SMC1B: variants seen among roughly 807,000 people sequenced by gnomAD.
The protein encoded by SMC1B is structural maintenance of chromosomes protein 1B.
Under a neutral mutation model 157.9 loss-of-function variants are expected in SMC1B, and 60 were observed. The ratio of observed to expected loss-of-function variants is 0.38; its 90% CI spans 0.31 to 0.47. The LOEUF is 0.47. Among genes scored for constraint, SMC1B ranks in the 20% least tolerant of loss-of-function variants. SMC1B has a pLI of 0.99. For synonymous variants in SMC1B, 445 were observed against 483.0 expected (o/e 0.92, Z 1.03); for missense variants, 1,165 against 1,426.2 (o/e 0.82, Z 2.95).
rs773267781 is a variant in SMC1B at position 45,355,059 on chromosome 22, T to C, written c.3018A>G (p.Val1006=). ...TCAGTAAGATATCTTCCTGGGATGC[T>C]ACTTGCTGCAATAAGAGCCTAAGGT... ...EAHLRLLLQQ[V]ASQEDILLKT... Residue 1006 remains valine (V), a synonymous_variant, in exon 20 of 25, where the codon GTA becomes GTG. Coordinates refer to ENST00000357450, the MANE Select transcript of SMC1B (RefSeq NM_148674.5). 8 of 1,614,090 alleles carry C rather than the reference T, an allele frequency of 5.0e-6. No individual in the cohort carries two copies. The highest frequency in any genetic ancestry group is 1.6e-4 in the Middle Eastern group (1 of 6,084).
At chr22:45,368,047 G>A (rs552984247) in intron 15 of SMC1B, among the ~76,000 whole-genome samples, 5 of 152,184 alleles carry the variant, frequency 3.3e-5, no homozygotes, top group Admixed American at 2.6e-4. Flanking sequence ...AGTATCTCTA[G>A]AATAATATTA....
At chr22:45,397,856 A>G (rs1004340284) in intron 6 of SMC1B, among the ~76,000 whole-genome samples, 3 of 152,170 alleles carry the variant, frequency 2.0e-5, no homozygotes, top group African/African-American at 7.2e-5. Context: ...GCTGTTTCAT[A>G]GCTCAATAAA....
chr22:45,373,106 C>A (rs757908371), intron 12 of SMC1B, among the ~76,000 whole-genome samples: 1 of 152,214 alleles, frequency 6.6e-6, no homozygotes, highest in African/African-American at 2.4e-5. Context: ...CAACCCCCAG[C>A]TCCCAGTTCT....
At chr22:45,371,421 C>A in intron 14 of SMC1B, 50 bp downstream of exon 14, 2 of 1,483,392 alleles carry the variant, frequency 1.3e-6, no homozygotes, top group South Asian at 2.9e-5. Flanking sequence ...AATCTAGTAT[C>A]TGGTCTAGAA....
At chr22:45,403,651 G>T (rs763704793) in intron 4 of SMC1B, among the ~76,000 whole-genome samples, 2 of 151,986 alleles carry the variant, frequency 1.3e-5, no homozygotes, top group Non-Finnish European at 2.9e-5. Context: ...TAGAGATGAG[G>T]TCTCACTATG....
rs1476608824 is a variant in SMC1B, at chr22:45,345,559, T to C, written c.3506A>G (p.Tyr1169Cys). 1.9e-6 allele frequency: 3 copies of C among 1,601,272 alleles called. No individual in the cohort carries two copies. Among genetic ancestry groups the C allele is most frequent in the Non-Finnish European group, 2.6e-6 (3 of 1,168,446 alleles). ...CTGGTCTTGAGTTTGCTCTTTGATG[T>C]AACTTGACACCTGGAAGAAATAAAA... The part of the protein sequence containing the change: ...DNTNIGKVSS[Y>C]IKEQTQDQFQ... The change falls in exon 24 of 25, where the codon TAC (tyrosine) becomes TGC (cysteine). Residue 1169 changes from tyrosine to cysteine, a missense_variant. Transcript: ENST00000357450.
In SMC1B at chr22:45,393,655, T is replaced by G. The variant is rs1477591639; in HGVS notation, c.1524A>C (p.Lys508Asn). 2.5e-6 allele frequency: 4 copies of G among 1,613,860 alleles called. No homozygotes were observed. Among genetic ancestry groups the G allele is most frequent in the Non-Finnish European group, 3.4e-6 (4 of 1,179,914 alleles). Residue 508 changes from lysine to asparagine, a missense_variant, in exon 9 of 25, where the codon AAA becomes AAC. Coordinates refer to ENST00000357450, the MANE Select transcript of SMC1B (RefSeq NM_148674.5). ...TTACCACAGAATCTGGGTACAGTCT[T>G]TTAAGGTGTTCCAGAACCTCTGCTC... ...QKRAEVLEHL[K>N]RLYPDSVFGR...
intron 21 of SMC1B, 131 bp downstream of exon 21, chr22:45,353,847 C>T: frequency 1.4e-6 from 1 of 705,614 alleles, no homozygotes; most frequent in Non-Finnish European, 2.2e-6. Context: ...CTGACTTTGC[C>T]CCATGAGTGA....
intron 23 of SMC1B, among the ~76,000 whole-genome samples, chr22:45,349,041 CAG>C (rs1293001469): frequency 1.7e-5 from 2 of 117,306 alleles, no homozygotes; most frequent in African/African-American, 3.4e-5. Flanking sequence ...TTTTTTGAGA[CAG>C]AGTCTCTGTC....
chr22:45,387,493 A>T (rs892719540), intron 10 of SMC1B, among the ~76,000 whole-genome samples: 1 of 152,158 alleles, frequency 6.6e-6, no homozygotes, highest in Non-Finnish European at 1.5e-5. Flanking sequence ...TACATACCAT[A>T]AAAGATTGAT....
intron 16 of SMC1B, 66 bp from the exon 17 acceptor site, chr22:45,362,050 T>C: frequency 6.7e-7 from 1 of 1,497,424 alleles, no homozygotes; most frequent in Non-Finnish European, 9.1e-7. Context: ...TTCTATGTTC[T>C]TATCAATAAC....
At chr22:45,382,486 G>A (rs866657016) in intron 12 of SMC1B, among the ~76,000 whole-genome samples, 1 of 152,152 alleles carries the variant, frequency 6.6e-6, no homozygotes, top group Non-Finnish European at 1.5e-5. Flanking sequence ...CTGAGTAAAA[G>A]GAACCCAAAG....
intron 15 of SMC1B, among the ~76,000 whole-genome samples, chr22:45,365,914 A>G (rs373961680): frequency 2.0e-5 from 3 of 152,232 alleles, no homozygotes; most frequent in South Asian, 2.1e-4. Flanking sequence ...GAGACATTCT[A>G]TGTTTTTAGA....
chr22:45,362,628 C>A (rs2086732753), intron 16 of SMC1B, among the ~76,000 whole-genome samples: 1 of 152,212 alleles, frequency 6.6e-6, no homozygotes, highest in Admixed American at 6.5e-5. Flanking sequence ...CCAGAATTTT[C>A]TCTCCTTAAC....
intron 6 of SMC1B, among the ~76,000 whole-genome samples, chr22:45,398,428 C>T (rs959067265): frequency 1.2e-4 from 19 of 152,180 alleles, no homozygotes; most frequent in African/African-American, 4.3e-4. Context: ...AGGCCAGGTG[C>T]GGCCTGGCAG....
In SMC1B at chr22:45,354,035, A is replaced by G; in HGVS notation, c.3216T>C (p.His1072=). 6.2e-7 allele frequency: 1 copy of G among 1,603,634 alleles called. No homozygotes were observed. Among genetic ancestry groups the G allele is most frequent in the South Asian group, 1.1e-5 (1 of 88,720 alleles). The change falls in exon 21 of 25, where the codon CAT becomes CAC. Residue 1072 remains histidine, a synonymous_variant. Coordinates refer to ENST00000357450, the MANE Select transcript of SMC1B (RefSeq NM_148674.5). ...RYDLFTQCFE[H]VSISIDQIYK... Reference sequence around the variant, plus strand: ...AGATTTGATCAATTGAGATTGAGACATGCTCAAAACACTGGGTGAAAAGAT... The same window carrying G: ...AGATTTGATCAATTGAGATTGAGACGTGCTCAAAACACTGGGTGAAAAGAT...
chr22:45,387,456 A>G (rs1272425798), intron 10 of SMC1B, among the ~76,000 whole-genome samples: 2 of 105,680 alleles, frequency 1.9e-5, no homozygotes, highest in Non-Finnish European at 3.4e-5. Flanking sequence ...TCTCAAAAAC[A>G]AAACAAAACA....
At chr22:45,392,316 G>A (rs1294468046) in intron 9 of SMC1B, among the ~76,000 whole-genome samples, 1 of 152,026 alleles carries the variant, frequency 6.6e-6, no homozygotes, top group South Asian at 2.1e-4. Context: ...CTAGATCAAG[G>A]AATACTAGGT....
chr22:45,406,888 G>A, intron 2 of SMC1B, 23 bp from the exon 3 acceptor site: 1 of 1,492,368 alleles, frequency 6.7e-7, no homozygotes, highest in Non-Finnish European at 9.0e-7. Flanking sequence ...AATAAACCCT[G>A]TTAAAAAATA....
Sources: allele counts gnomAD v4.1 joint callset (sites outside exome capture counted in the v4.1 genomes callset), GRCh38; gene constraint gnomAD v4.1.1; transcripts MANE v1.5; gene names NCBI Gene and HGNC (gene_info 2026-07-23, HGNC 2026-07-21).